MARK2: variants seen among roughly 807,000 people sequenced by gnomAD.
The protein encoded by MARK2 is microtubule affinity regulating kinase 2.
MARK2 carries 16 observed loss-of-function variants against 89.8 expected under a neutral mutation model. The ratio of observed to expected loss-of-function variants is 0.18; its 90% CI spans 0.12 to 0.27. The LOEUF (loss-of-function observed/expected upper bound fraction) is 0.27. Ranked by LOEUF, MARK2 falls within the 10% of genes least tolerant of loss-of-function variation. MARK2 has a pLI of 1.00. For missense variants in MARK2, 621 were observed against 1,049.9 expected, an observed-to-expected ratio of 0.59 and a Z score of 5.65; for synonymous variants, 382 against 399.5, an observed-to-expected ratio of 0.96 and a Z score of 0.52.
intron 1 of MARK2, among the ~76,000 whole-genome samples, chr11:63,894,178 C>CT (rs368805403): frequency 2.1e-4 from 32 of 152,312 alleles, no homozygotes; most frequent in African/African-American, 7.2e-4. Flanking sequence ...GCCAGTCTCT[C>CT]TAAGTGCTGG....
intron 1 of MARK2, chr11:63,849,849 G>C (rs533084756): frequency 6.6e-6 from 1 of 152,294 alleles, no homozygotes; most frequent in South Asian, 2.1e-4. Context: ...GTGTCTGTTT[G>C]CTCATCTGTA....
In MARK2 at chr11:63,902,588, C is replaced by T; in HGVS notation, c.1235-13C>T. 6.2e-7 allele frequency: 1 copy of T among 1,611,780 alleles called. No individual in the cohort carries two copies. Among genetic ancestry groups the T allele is most frequent in the Non-Finnish European group, 8.5e-7 (1 of 1,178,604 alleles). On this transcript the variant is annotated splice_polypyrimidine_tract_variant and intron_variant, in intron 12 of 18. Transcript: ENST00000402010. This position sits in a 1 kb window ranked among gnomAD's most constrained non-coding sequence, Gnocchi z 4.2. ...CCTTGGCCTTACCCATTCCCATCCT[C>T]CCTCTGGCCCAGCAGCTGGTCCTGC...
chr11:63,899,144 GA>G, intron 7 of MARK2, 36 bp downstream of exon 7: 1 of 1,435,530 alleles, frequency 7.0e-7, no homozygotes, highest in Non-Finnish European at 9.8e-7. Context: ...CTTTGAGTGG[GA>G]GCCAGGTTGT....
Position 63,872,455 on chromosome 11 carries a change from G to A in MARK2, c.55-22704G>A, listed in dbSNP as rs115327835. On this transcript the variant is annotated intron_variant, in intron 1 of 18. Transcript: ENST00000402010. ...AAGGTTAGAATGTGATTATCCTACTGGGAAAGGTTTACTGGGACAGCATTT... is the reference window on the plus strand; with the variant it reads ...AAGGTTAGAATGTGATTATCCTACTAGGAAAGGTTTACTGGGACAGCATTT... Among the ~76,000 whole-genome samples, 189 of 152,306 alleles carry A rather than the reference G, an allele frequency of 1.2e-3. 1 individual carries two copies. Among genetic ancestry groups the A allele is most frequent in the African/African-American group, 4.4e-3 (184 of 41,556 alleles).
chr11:63,902,482 C>A lies in MARK2; in HGVS notation c.1235-119C>A. On this transcript the variant is annotated intron_variant, in intron 12 of 18. Transcript: ENST00000402010. The surrounding 1 kb of genome is among the most constrained non-coding windows in gnomAD (Gnocchi z 4.2). ...TGGGCAAGCCACTTCCCTTCCCTCG[C>A]CTCTGTGGAATGGGGGCTTGCTGGG... is the stretch of plus-strand genomic sequence containing the variant. The A allele has an allele frequency of 7.3e-7, 1 of 1,377,758 alleles. No individual in the cohort carries two copies. The highest frequency in any genetic ancestry group is 1.9e-5 in the Admixed American group (1 of 51,990). 85.3% of individuals were successfully genotyped at this position (1,377,758 alleles called of 1,614,324 possible).
chr11:63,861,287 G>A (rs766428126), intron 1 of MARK2, among the ~76,000 whole-genome samples: 2 of 151,940 alleles, frequency 1.3e-5, no homozygotes, highest in Admixed American at 1.3e-4. Flanking sequence ...TACAAAAAAC[G>A]TAGCCAGGCG....
At chr11:63,868,701 C>G in intron 1 of MARK2, 1 of 448,642 alleles carries the variant, frequency 2.2e-6, no homozygotes, top group Non-Finnish European at 4.5e-6. Context: ...ACCAACGTGT[C>G]TGCCTGCGTT....
chr11:63,886,201 A>G (rs1939390148), intron 1 of MARK2, among the ~76,000 whole-genome samples: 2 of 151,880 alleles, frequency 1.3e-5, no homozygotes, highest in Middle Eastern at 3.5e-3. Flanking sequence ...ATCATAGCTC[A>G]CTGTTACCTC....
chr11:63,901,522 A>G (rs1590691158), intron 11 of MARK2, among the ~76,000 whole-genome samples: 1 of 104,110 alleles, frequency 9.6e-6, no homozygotes, highest in African/African-American at 3.8e-5. Flanking sequence ...CTTGTTGCCC[A>G]GGCTGGAGTG....
At chr11:63,850,550 G>T (rs1202876473) in intron 1 of MARK2, among the ~76,000 whole-genome samples, 2 of 151,620 alleles carry the variant, frequency 1.3e-5, no homozygotes, top group Non-Finnish European at 2.9e-5. Context: ...AACACTTTTA[G>T]CTCATTTTTT....
intron 1 of MARK2, among the ~76,000 whole-genome samples, chr11:63,886,379 C>T (rs952402587): frequency 4.0e-5 from 6 of 151,784 alleles, no homozygotes; most frequent in African/African-American, 1.2e-4. Context: ...CCACCTTGGC[C>T]TCCCAAAGTG....
At chr11:63,879,982 G>T (rs914013958) in intron 1 of MARK2, among the ~76,000 whole-genome samples, 1 of 152,178 alleles carries the variant, frequency 6.6e-6, no homozygotes, top group African/African-American at 2.4e-5. Context: ...GGACTAGGGG[G>T]TCTAGAAGGC....
In MARK2 at chr11:63,903,004, C is replaced by T; in HGVS notation, c.1417-57C>T. On this transcript the variant is annotated intron_variant, in intron 13 of 18. Transcript: ENST00000402010. The surrounding 1 kb of genome is among the most constrained non-coding windows in gnomAD (Gnocchi z 5.1). ...CTGTTCCATGAACCTGGGGGGAGAACCTGGCTGTAGACCACTTTGGCTTTC... is the reference window on the plus strand; with the variant it reads ...CTGTTCCATGAACCTGGGGGGAGAATCTGGCTGTAGACCACTTTGGCTTTC... 2.0e-6 allele frequency: 3 copies of T among 1,466,454 alleles called. No homozygotes were observed. Among genetic ancestry groups the T allele is most frequent in the East Asian group, 2.3e-5 (1 of 44,190 alleles). The allele number at this position is 1,466,454 out of a possible 1,614,324, so 90.8% of individuals were successfully genotyped here.
chr11:63,902,923 G>A lies in MARK2; in HGVS notation c.1417-138G>A. The A allele has an allele frequency of 9.6e-7, 1 of 1,040,094 alleles. No homozygotes were observed. Among genetic ancestry groups the A allele is most frequent in the Non-Finnish European group, 1.5e-6 (1 of 680,956 alleles). The allele number at this position is 1,040,094 out of a possible 1,614,324, so 64.4% of individuals were successfully genotyped here. A position where few individuals can be genotyped will look rare whatever the true frequency, so the allele number is the denominator to read the frequency against. ...GGAAGCCTCGCTCCCAGCAGTAAAT[G>A]CAGAATCCTTTCCTTAACCTACCAC... On this transcript the variant is annotated intron_variant, in intron 13 of 18. Transcript: ENST00000402010. This position sits in a 1 kb window ranked among gnomAD's most constrained non-coding sequence, Gnocchi z 4.2.
chr11:63,872,252 T>C (rs1938493779), intron 1 of MARK2, among the ~76,000 whole-genome samples: 2 of 152,208 alleles, frequency 1.3e-5, no homozygotes, highest in Admixed American at 6.5e-5. Flanking sequence ...GGGCCTGTCA[T>C]CTGTGGCTTC....
intron 1 of MARK2, among the ~76,000 whole-genome samples, chr11:63,873,707 G>A (rs939202582): frequency 8.5e-5 from 13 of 152,102 alleles, no homozygotes; most frequent in African/African-American, 2.7e-4. Flanking sequence ...GTGCAGTGGC[G>A]CGATCTCGGC....
chr11:63,893,682 C>A (rs1940111325), intron 1 of MARK2, among the ~76,000 whole-genome samples: 1 of 152,066 alleles, frequency 6.6e-6, no homozygotes, highest in African/African-American at 2.4e-5. Context: ...GGTTGAACAT[C>A]CGTAATCCAA....
chr11:63,854,177 C>CT (rs1407471290), intron 1 of MARK2, among the ~76,000 whole-genome samples: 97 of 111,656 alleles, frequency 8.7e-4, no homozygotes, highest in African/African-American at 3.0e-3. Context: ...CTGGCCAAGA[C>CT]TATTAATTCT....
chr11:63,890,990 TC>T (rs1939805884), intron 1 of MARK2, among the ~76,000 whole-genome samples: 1 of 152,232 alleles, frequency 6.6e-6, no homozygotes, highest in Non-Finnish European at 1.5e-5. Flanking sequence ...GTAGTTCTCT[TC>T]CCCATTTGTA....
Sources: allele counts gnomAD v4.1 joint callset (sites outside exome capture counted in the v4.1 genomes callset), GRCh38; gene constraint gnomAD v4.1.1; non-coding constraint Gnocchi (gnomAD v3.1); transcripts MANE v1.5; gene names NCBI Gene and HGNC (gene_info 2026-07-23, HGNC 2026-07-21).